The following SI variants were observed in gnomAD, a reference collection of about 807,000 sequenced individuals.
SI encodes the protein sucrase-isomaltase.
In SI, 235 loss-of-function variants were observed where a neutral mutation model predicts 253.3. That is an observed-to-expected ratio of 0.93 (90% CI 0.83 to 1.03). The LOEUF (loss-of-function observed/expected upper bound fraction) is 1.03, where lower values mean the gene tolerates loss of function less well. SI is among the 50% of genes least tolerant of loss of function. The probability of loss-of-function intolerance (pLI) is 0.00; values close to 1 mark genes in which losing one functional copy is unlikely to be tolerated. For synonymous variants in SI, 819 were observed against 712.0 expected, an observed-to-expected ratio of 1.15 and a Z score of -2.39; for missense variants, 2,442 against 2,211.1, an observed-to-expected ratio of 1.10 and a Z score of -2.09.
At chr3:165,067,097 G>T (rs970649222) in intron 6 of SI, among the ~76,000 whole-genome samples, 2 of 151,852 alleles carry the variant, frequency 1.3e-5, no homozygotes, top group African/African-American at 4.8e-5. Context: ...CAAGGCTAGG[G>T]TTGCATTAGT....
intron 35 of SI, among the ~76,000 whole-genome samples, chr3:165,008,505 C>A (rs1407934515): frequency 6.6e-6 from 1 of 151,892 alleles, no homozygotes; most frequent in Admixed American, 6.6e-5. Context: ...ATTGCCTCCA[C>A]CTGAAAAAGA....
At chr3:164,996,690 T>C in intron 39 of SI, 39 bp from the exon 40 acceptor site, 1 of 1,281,956 alleles carries the variant, frequency 7.8e-7, no homozygotes, top group Non-Finnish European at 1.1e-6. Flanking sequence ...TTTGAATAGT[T>C]TATGAATGTT....
intron 13 of SI, among the ~76,000 whole-genome samples, 189 bp from the exon 14 acceptor site, chr3:165,050,064 G>T (rs569555579): frequency 6.6e-6 from 1 of 152,172 alleles, no homozygotes; most frequent in South Asian, 2.1e-4. Flanking sequence ...TCTTAGATGG[G>T]ATAGAGAGAT....
At position 165,078,471 on chromosome 3, in the gene SI, G is replaced by A. The variant is rs1560024283; in HGVS notation, c.-39C>T. Reference sequence around the variant, plus strand: ...CTGTTCTCTTTGCTATGTTGTACCAGACTTGGATAAGGCTGCCAAAATAAT... The same window carrying A: ...CTGTTCTCTTTGCTATGTTGTACCAAACTTGGATAAGGCTGCCAAAATAAT... On this transcript the variant is annotated 5_prime_UTR_variant, in exon 1 of 48. Coordinates refer to ENST00000264382, the MANE Select transcript of SI (RefSeq NM_001041.4). 2 of 151,940 alleles carry A rather than the reference G, an allele frequency of 1.3e-5. No homozygotes were observed. The highest frequency in any genetic ancestry group is 4.8e-5 in the African/African-American group (2 of 41,370). The allele number at this position is 151,940 out of a possible 1,614,324, so 9.4% of individuals were successfully genotyped here.
chr3:165,010,609 G>C (rs574906568), intron 34 of SI, among the ~76,000 whole-genome samples: 1 of 152,076 alleles, frequency 6.6e-6, no homozygotes, highest in Non-Finnish European at 1.5e-5. Context: ...AATAACAAAT[G>C]GTAGTGCCAG....
rs1176310180 is a variant in SI, at chr3:165,006,879, G to A, written c.4343C>T (p.Thr1448Ile). Residue 1448 changes from threonine (T) to isoleucine (I), a missense_variant, in exon 37 of 48, where the codon ACA (threonine) becomes ATA (isoleucine). Transcript: ENST00000264382. ...GTGAACATCGTAATGCAAAACTGAT[G>A]TTCCATCACTAAGAATCTGCTCAGC... Reference protein sequence around the residue: ...MEAEQILSDGTSVLHYDVHNL... With the variant: ...MEAEQILSDGISVLHYDVHNL... 4 of 1,611,586 alleles carry A rather than the reference G, an allele frequency of 2.5e-6. No homozygotes were observed. Among genetic ancestry groups the A allele is most frequent in the South Asian group, 1.1e-5 (1 of 91,040 alleles).
intron 34 of SI, among the ~76,000 whole-genome samples, chr3:165,011,066 C>A (rs1014055001): frequency 6.6e-6 from 1 of 152,132 alleles, no homozygotes; most frequent in Non-Finnish European, 1.5e-5. Flanking sequence ...AAAGAAGGAT[C>A]ACCAACTCTT....
intron 34 of SI, among the ~76,000 whole-genome samples, chr3:165,010,706 C>T (rs867100884): frequency 7.9e-5 from 12 of 152,228 alleles, no homozygotes; most frequent in African/African-American, 2.9e-4. Context: ...GCTTCTATCA[C>T]TTAAATAAAA....
Position 165,046,982 on chromosome 3 carries a change from T to G in SI, c.1746A>C (p.Arg582Ser). Residue 582 changes from arginine (R) to serine (S), a missense_variant, in exon 16 of 48, where the codon AGA becomes AGC. Coordinates refer to ENST00000264382, the MANE Select transcript of SI (RefSeq NM_001041.4). ...ATGTTGAGCGGGTAAGAATGAAGCT[T>G]CTCTTATTAGGAAAAACTTTTTGTA... ...QAVQKVFPNK[R>S]SFILTRSTFA... 1.2e-6 allele frequency: 2 copies of G among 1,609,966 alleles called. No homozygotes were observed. Among genetic ancestry groups the G allele is most frequent in the Non-Finnish European group, 1.7e-6 (2 of 1,178,212 alleles).
At chr3:165,078,803 A>C (rs1178576626), upstream of SI, among the ~76,000 whole-genome samples, 1 of 151,526 alleles carries the variant, frequency 6.6e-6, no homozygotes, top group Non-Finnish European at 1.5e-5. Context: ...TATAATAACT[A>C]TTTTGTCCAT....
intron 10 of SI, 62 bp from the exon 11 acceptor site, chr3:165,059,361 T>C: frequency 6.7e-7 from 1 of 1,483,198 alleles, no homozygotes; most frequent in South Asian, 1.1e-5. Context: ...ATCAAGTCAA[T>C]CTTTAACTCC....
intron 3 of SI, among the ~76,000 whole-genome samples, 188 bp from the exon 4 acceptor site, chr3:165,069,383 T>A (rs1714422415): frequency 6.6e-6 from 1 of 152,094 alleles, no homozygotes; most frequent in Non-Finnish European, 1.5e-5. Flanking sequence ...ATTGAATTAA[T>A]TACACCCTGT....
intron 19 of SI, among the ~76,000 whole-genome samples, chr3:165,039,626 A>G (rs1259616189): frequency 6.6e-6 from 1 of 151,986 alleles, no homozygotes; most frequent in African/African-American, 2.4e-5. Context: ...TTGATTTGAT[A>G]ATACAGTTTT....
intron 19 of SI, 93 bp downstream of exon 19, chr3:165,039,794 G>T: frequency 2.2e-6 from 2 of 889,330 alleles, no homozygotes; most frequent in South Asian, 1.3e-5. Flanking sequence ...ACAGTCCACT[G>T]AGTAACATCT....
rs182061876 is a variant in SI at position 165,010,304 on chromosome 3, T to G, written c.4063-909A>C. Among the ~76,000 whole-genome samples the G allele has an allele frequency of 3.4e-3, 516 of 152,110 alleles. 8 individuals carry two copies. The highest frequency in any genetic ancestry group is 0.012 in the African/African-American group (481 of 41,508). ...CCTCCAGAGTAGGTGGGATTACAGATGTCCACCACCACACCTGGCTAATTT... is the reference window on the plus strand; with the variant it reads ...CCTCCAGAGTAGGTGGGATTACAGAGGTCCACCACCACACCTGGCTAATTT... On this transcript the variant is annotated intron_variant, in intron 34 of 47. Coordinates refer to ENST00000264382, the MANE Select transcript of SI (RefSeq NM_001041.4).
chr3:165,030,137 T>G (rs915804355), intron 25 of SI, among the ~76,000 whole-genome samples: 3 of 150,864 alleles, frequency 2.0e-5, no homozygotes, highest in African/African-American at 4.8e-5. Flanking sequence ...AACTCAATGA[T>G]GTAATGAAAA....
intron 5 of SI, 65 bp downstream of exon 5, chr3:165,068,657 G>A: frequency 8.5e-7 from 1 of 1,176,808 alleles, no homozygotes; most frequent in Non-Finnish European, 1.3e-6. Context: ...ACAGGCGTGA[G>A]CCACCGCGCC....
chr3:165,028,109 G>A (rs185362888), intron 25 of SI, among the ~76,000 whole-genome samples: 29 of 151,414 alleles, frequency 1.9e-4, no homozygotes, highest in South Asian at 1.5e-3. Flanking sequence ...CAAAATTAAC[G>A]TACAGAAGTC....
At chr3:165,078,052 T>C (rs1009668671) in intron 1 of SI, among the ~76,000 whole-genome samples, 2 of 151,526 alleles carry the variant, frequency 1.3e-5, no homozygotes, top group South Asian at 4.1e-4. Flanking sequence ...GTTTTATAAA[T>C]GTAGCATTCT....
Sources: gnomAD v4.1 joint callset for allele counts (sites outside exome capture counted in the v4.1 genomes callset) on GRCh38, gnomAD v4.1.1 for gene constraint, MANE v1.5 for transcripts, NCBI Gene and HGNC (gene_info 2026-07-23, HGNC 2026-07-21) for gene names.